The following THNSL1 variants were observed in gnomAD, a reference collection of about 807,000 sequenced individuals.
THNSL1 encodes the protein threonine synthase like 1.
In THNSL1, 48 loss-of-function variants were observed where a neutral mutation model predicts 50.4. That is an observed-to-expected ratio of 0.95 (90% CI 0.76 to 1.21). THNSL1 has a LOEUF of 1.21. THNSL1 is among the 50% of genes most tolerant of loss of function. The pLI is 0.00. For synonymous variants in THNSL1, 309 were observed against 306.1 expected (o/e 1.01, Z -0.10); for missense variants, 896 against 871.7 (o/e 1.03, Z -0.35).
chr10:24,953,177 CG>C, the THNSL1 span: 1 of 152,522 alleles, frequency 6.6e-6, no homozygotes, highest in Non-Finnish European at 1.5e-5. Context: ...TCTCCACCTC[CG>C]CTCATCTCCC....
the THNSL1 span, among the ~76,000 whole-genome samples, chr10:25,008,343 G>A: frequency 6.6e-6 from 1 of 152,168 alleles, no homozygotes; most frequent in Non-Finnish European, 1.5e-5. Flanking sequence ...GCTGTAATTA[G>A]TTAGCAAAGT....
At chr10:25,000,504 G>T in the THNSL1 span, among the ~76,000 whole-genome samples, 1 of 152,180 alleles carries the variant, frequency 6.6e-6, no homozygotes, top group East Asian at 1.9e-4. Flanking sequence ...GTTTGTAGGT[G>T]CATAGCATTT....
chr10:25,012,045 C>T (rs1207059291), upstream of THNSL1, among the ~76,000 whole-genome samples: 1 of 152,194 alleles, frequency 6.6e-6, no homozygotes, highest in Admixed American at 6.5e-5. Context: ...ACAGCCATGG[C>T]TAAAAGGGGA....
the THNSL1 span, among the ~76,000 whole-genome samples, chr10:24,971,570 A>G: frequency 6.6e-6 from 1 of 152,224 alleles, no homozygotes; most frequent in East Asian, 1.9e-4. Flanking sequence ...TAGTGGATAC[A>G]TAGAGTTCTG....
the THNSL1 span, among the ~76,000 whole-genome samples, chr10:24,994,002 G>T: frequency 0.017 from 2,576 of 152,110 alleles, 68 homozygotes; most frequent in African/African-American, 0.059. Context: ...CAGTTTCCAG[G>T]GGCCACAGAA....
At chr10:24,957,862 G>A in the THNSL1 span, among the ~76,000 whole-genome samples, 4 of 152,164 alleles carry the variant, frequency 2.6e-5, no homozygotes, top group Admixed American at 1.3e-4. Context: ...TCCCATCACC[G>A]TGATTCTCTG....
At chr10:24,984,887 C>A in the THNSL1 span, 1 of 1,612,484 alleles carries the variant, frequency 6.2e-7, no homozygotes, top group South Asian at 1.1e-5. Context: ...TGCACCTCTT[C>A]CCAGTTCTTT....
chr10:25,022,044 A>G (rs532782995), intron 2 of THNSL1, 136 bp downstream of exon 2: 1 of 152,292 alleles, frequency 6.6e-6, no homozygotes, highest in East Asian at 1.9e-4. Context: ...AGTATTTAAT[A>G]TGGTTTAGTT....
Position 25,025,706 on chromosome 10 carries a change from A to G in THNSL1, c.*251A>G, listed in dbSNP as rs1390214796. On this transcript the variant is annotated 3_prime_UTR_variant, in exon 3 of 3. Transcript: ENST00000376356. ...ATCATACTTTTGCCTTCTGCTCATG[A>G]GGGGTGTATCAATTTCCACTCCCAC... The G allele has an allele frequency of 2.3e-6, 1 of 443,316 alleles. No individual in the cohort carries two copies. The highest frequency in any genetic ancestry group is 3.9e-5 in the South Asian group (1 of 25,556). 27.5% of individuals were successfully genotyped at this position (443,316 alleles called of 1,614,324 possible).
At chr10:24,977,276 T>C in the THNSL1 span, among the ~76,000 whole-genome samples, 2,522 of 152,320 alleles carry the variant, frequency 0.017, 93 homozygotes, top group African/African-American at 0.058. Context: ...TGGATACTTA[T>C]ATGAATAGAA....
the THNSL1 span, among the ~76,000 whole-genome samples, chr10:24,998,143 A>G: frequency 6.6e-6 from 1 of 152,126 alleles, no homozygotes; most frequent in African/African-American, 2.4e-5. Context: ...GACATTAAAT[A>G]CTGCCATAAA....
the THNSL1 span, among the ~76,000 whole-genome samples, chr10:25,007,508 C>A: frequency 6.6e-6 from 1 of 152,182 alleles, no homozygotes; most frequent in East Asian, 1.9e-4. Context: ...CATCTCGGCT[C>A]ACTGCAAGCT....
the THNSL1 span, among the ~76,000 whole-genome samples, chr10:24,958,384 C>T: frequency 1.3e-5 from 2 of 152,176 alleles, no homozygotes; most frequent in African/African-American, 4.8e-5. Context: ...ACAAATGTTA[C>T]AAGTACAAAA....
rs944458549 is a variant in THNSL1 at position 25,023,266 on chromosome 10, CAG to C, written c.45_46del (p.Lys16MetfsTer4). ...ATGTCATCATCTGAAAAAGATAACACAGAAATGTTTTTCTAGTATACATGTTA... is the reference window on the plus strand; with the variant it reads ...ATGTCATCATCTGAAAAAGATAACACAAATGTTTTTCTAGTATACATGTTA... ...NRCHHLKKIT[Q>X]KCFSSIHVKT... On this transcript the variant is annotated frameshift_variant, in exon 3 of 3. Transcript: ENST00000376356. LOFTEE classifies it high-confidence loss of function. 1.9e-6 allele frequency: 3 copies of C among 1,613,624 alleles called. No individual in the cohort carries two copies. The African/African-American group carries it at 4.0e-5, about 22-fold the overall frequency.
the THNSL1 span, among the ~76,000 whole-genome samples, chr10:25,008,870 C>A: frequency 2.0e-5 from 3 of 148,896 alleles, no homozygotes; most frequent in Admixed American, 6.8e-5. Flanking sequence ...TGTCCAACAA[C>A]GATAGACTGG....
the THNSL1 span, among the ~76,000 whole-genome samples, chr10:25,001,235 C>T: frequency 6.6e-6 from 1 of 151,934 alleles, no homozygotes; most frequent in African/African-American, 2.4e-5. Flanking sequence ...TGGCTTCCAT[C>T]GTTTCTAAAG....
the THNSL1 span, among the ~76,000 whole-genome samples, chr10:24,980,698 C>A: frequency 2.0e-5 from 3 of 151,808 alleles, no homozygotes; most frequent in African/African-American, 4.8e-5. Context: ...AGCCAAAGTA[C>A]CTGTTGGGTG....
At chr10:25,021,323 A>G (rs2132751386) in intron 1 of THNSL1, among the ~76,000 whole-genome samples, 1 of 152,318 alleles carries the variant, frequency 6.6e-6, no homozygotes, top group Admixed American at 6.5e-5. Flanking sequence ...AGTGGATATT[A>G]TTACATATGA....
chr10:24,956,457 TTTTA>T, the THNSL1 span, among the ~76,000 whole-genome samples: 1 of 147,106 alleles, frequency 6.8e-6, no homozygotes, highest in Non-Finnish European at 1.5e-5. Context: ...TTTCTCTGCA[TTTTA>T]TTTATTTTTT....
Sources: allele counts gnomAD v4.1 joint callset (sites outside exome capture counted in the v4.1 genomes callset), GRCh38; gene constraint gnomAD v4.1.1; transcripts MANE v1.5; gene names NCBI Gene and HGNC (gene_info 2026-07-23, HGNC 2026-07-21).